RPS6KC1: variants seen among roughly 807,000 people sequenced by gnomAD.
The protein encoded by RPS6KC1 is ribosomal protein S6 kinase C1, also known as inactive ribosomal protein S6 kinase delta-1.
Under a neutral mutation model 103.8 loss-of-function variants are expected in RPS6KC1, and 54 were observed. That is an observed-to-expected ratio of 0.52 (90% CI 0.42 to 0.65). The LOEUF is 0.65. RPS6KC1 is among the 30% of genes least tolerant of loss of function. The pLI, the probability that RPS6KC1 is intolerant of heterozygous loss-of-function variation, is 0.00. For synonymous variants in RPS6KC1, 439 were observed against 438.7 expected (o/e 1.00, Z -0.01); for missense variants, 1,151 against 1,253.8 (o/e 0.92, Z 1.24).
At chr1:213,533,700 C>T in the RPS6KC1 span, among the ~76,000 whole-genome samples, 1 of 152,336 alleles carries the variant, frequency 6.6e-6, no homozygotes, top group Admixed American at 6.5e-5. Flanking sequence ...CTCTCCACTT[C>T]CACACGTTGC....
chr1:213,728,611 G>C, the RPS6KC1 span, among the ~76,000 whole-genome samples: 1 of 152,136 alleles, frequency 6.6e-6, no homozygotes, highest in African/African-American at 2.4e-5. Context: ...AGTGAGGCAA[G>C]AGCGAACATC....
chr1:213,402,884 G>T, the RPS6KC1 span, among the ~76,000 whole-genome samples: 1 of 151,380 alleles, frequency 6.6e-6, no homozygotes, highest in Non-Finnish European at 1.5e-5. Flanking sequence ...GGAGGCCGAG[G>T]CGGGCAGATC....
At chr1:213,269,089 C>A (rs934316777) in intron 14 of RPS6KC1, among the ~76,000 whole-genome samples, 2 of 152,030 alleles carry the variant, frequency 1.3e-5, no homozygotes, top group African/African-American at 4.8e-5. Context: ...ACCTTAAATT[C>A]AAAAACACAA....
At chr1:213,448,875 C>T in the RPS6KC1 span, among the ~76,000 whole-genome samples, 286 of 152,042 alleles carry the variant, frequency 1.9e-3, 1 homozygote, top group African/African-American at 6.0e-3. Flanking sequence ...AAAGGCAGTG[C>T]GTGTATTGAT....
rs76328873 is a variant in RPS6KC1, at chr1:213,205,198, A to G, written c.1045-25299A>G. The G allele has an allele frequency of 3.1e-6, 3 of 971,732 alleles. No homozygotes were observed. The African/African-American group carries it at 5.3e-5, about 17-fold the overall frequency. 60.2% of individuals were successfully genotyped at this position (971,732 alleles called of 1,614,324 possible). A position where few individuals can be genotyped will look rare whatever the true frequency, so the allele number is the denominator to read the frequency against. On this transcript the variant is annotated intron_variant, in intron 8 of 14. Transcript: ENST00000366960. ...TCACCAAAAGAAAGTTGCTATCACA[A>G]TGTACTTTCTACTTTTTAATCTACT...
At chr1:213,512,918 C>T in the RPS6KC1 span, among the ~76,000 whole-genome samples, 1 of 152,186 alleles carries the variant, frequency 6.6e-6, no homozygotes, top group Non-Finnish European at 1.5e-5. Context: ...TGGAAAAAGT[C>T]AGCTCACCTT....
chr1:213,346,803 A>AT, the RPS6KC1 span, among the ~76,000 whole-genome samples: 1 of 152,178 alleles, frequency 6.6e-6, no homozygotes, highest in African/African-American at 2.4e-5. Context: ...TGAAAACAGC[A>AT]TGGCCTTGTC....
At chr1:213,466,380 GGCAAACATGCTCGAATGAATAAAA>G in the RPS6KC1 span, among the ~76,000 whole-genome samples, 4 of 152,110 alleles carry the variant, frequency 2.6e-5, no homozygotes, top group African/African-American at 9.7e-5. Flanking sequence ...GGCAAGATTG[GGCAAACATGCTCGAATGAATAAAA>G]GCAAACACCA....
chr1:213,199,557 G>A (rs1041668956), intron 8 of RPS6KC1, among the ~76,000 whole-genome samples: 11 of 152,164 alleles, frequency 7.2e-5, no homozygotes. Flanking sequence ...ATGGGCAATA[G>A]CTGGAAGCAT....
chr1:213,341,311 T>C, the RPS6KC1 span, among the ~76,000 whole-genome samples: 1 of 152,140 alleles, frequency 6.6e-6, no homozygotes, highest in African/African-American at 2.4e-5. Flanking sequence ...ACTCCAAGGA[T>C]TGGGAGCAGG....
At chr1:213,280,619 A>T in the RPS6KC1 span, among the ~76,000 whole-genome samples, 2 of 152,168 alleles carry the variant, frequency 1.3e-5, no homozygotes, top group Non-Finnish European at 2.9e-5. Context: ...TTTACCTTTT[A>T]AAAATGGACT....
the RPS6KC1 span, among the ~76,000 whole-genome samples, chr1:213,321,016 A>T: frequency 6.6e-6 from 1 of 152,206 alleles, no homozygotes. Context: ...GGTGTTGAGC[A>T]GAAGTCCCAT....
chr1:213,476,588 A>G, the RPS6KC1 span, among the ~76,000 whole-genome samples: 2 of 152,214 alleles, frequency 1.3e-5, no homozygotes, highest in African/African-American at 2.4e-5. Flanking sequence ...CACCCATGCC[A>G]TAGAAACCTG....
chr1:213,123,476 A>G (rs1032512187), intron 5 of RPS6KC1, among the ~76,000 whole-genome samples: 2 of 152,174 alleles, frequency 1.3e-5, no homozygotes, highest in African/African-American at 4.8e-5. Flanking sequence ...ATGAAGCATA[A>G]TAGACATGAC....
At chr1:213,434,694 GATCCA>G in the RPS6KC1 span, among the ~76,000 whole-genome samples, 1 of 152,122 alleles carries the variant, frequency 6.6e-6, no homozygotes, top group Admixed American at 6.5e-5. Flanking sequence ...GACCTCAAGT[GATCCA>G]CCTGCCTCTG....
intron 6 of RPS6KC1, among the ~76,000 whole-genome samples, chr1:213,149,646 A>G (rs1161569056): frequency 6.6e-6 from 1 of 152,216 alleles, no homozygotes; most frequent in Admixed American, 6.5e-5. Flanking sequence ...TGTCCTGTAA[A>G]TATCTATTAG....
At chr1:213,736,113 A>C in the RPS6KC1 span, among the ~76,000 whole-genome samples, 2 of 152,338 alleles carry the variant, frequency 1.3e-5, no homozygotes, top group Non-Finnish European at 2.9e-5. Flanking sequence ...GGCCTATCAA[A>C]ATGTTTGAAA....
the RPS6KC1 span, among the ~76,000 whole-genome samples, chr1:213,580,132 C>A: frequency 6.6e-6 from 1 of 152,040 alleles, no homozygotes; most frequent in Non-Finnish European, 1.5e-5. Context: ...GGAAAGGATT[C>A]ATCTTTCTAG....
the RPS6KC1 span, among the ~76,000 whole-genome samples, chr1:213,699,715 G>A: frequency 6.6e-6 from 1 of 151,970 alleles, no homozygotes; most frequent in Non-Finnish European, 1.5e-5. Flanking sequence ...CTTTGTTATT[G>A]TCTCTATTTT....
Sources: allele counts gnomAD v4.1 joint callset (sites outside exome capture counted in the v4.1 genomes callset), GRCh38; gene constraint gnomAD v4.1.1; transcripts MANE v1.5; gene names NCBI Gene and HGNC (gene_info 2026-07-23, HGNC 2026-07-21).